CCDC3: variants seen among roughly 807,000 people sequenced by gnomAD.
CCDC3 encodes coiled-coil domain-containing protein 3.
A neutral mutation model predicts 21.4 loss-of-function variants in CCDC3; 24 were observed. The observed-to-expected ratio is 1.12, with a 90% CI of 0.81 to 1.58. The LOEUF (loss-of-function observed/expected upper bound fraction) is 1.58. Ranked by LOEUF, CCDC3 falls within the 40% of genes most tolerant of loss-of-function variation. The pLI is 0.00. For missense variants in CCDC3, 425 were observed against 360.9 expected, an observed-to-expected ratio of 1.18 and a Z score of -1.44; for synonymous variants, 186 against 166.0, an observed-to-expected ratio of 1.12 and a Z score of -0.93.
intron 3 of CCDC3, among the ~76,000 whole-genome samples, chr10:13,083,757 T>C (rs1223119586): frequency 1.3e-5 from 2 of 152,224 alleles, no homozygotes; most frequent in Admixed American, 1.3e-4. Flanking sequence ...TGTCAGCCAA[T>C]TGGGTTCAGT....
chr10:12,942,041 A>G (rs564110253), intron 2 of CCDC3, among the ~76,000 whole-genome samples: 11 of 152,308 alleles, frequency 7.2e-5, no homozygotes, highest in Non-Finnish European at 8.8e-5. Context: ...AATGATAGTA[A>G]TTAAGCCAGA....
At chr10:13,073,274 C>T (rs1564340004) in intron 4 of CCDC3, among the ~76,000 whole-genome samples, 1 of 152,160 alleles carries the variant, frequency 6.6e-6, no homozygotes, top group Non-Finnish European at 1.5e-5. Flanking sequence ...TTGGTGGTGG[C>T]CTCTGTGATC....
chr10:12,973,178 T>C (rs1009171316), intron 2 of CCDC3, among the ~76,000 whole-genome samples: 2 of 152,182 alleles, frequency 1.3e-5, no homozygotes, highest in Non-Finnish European at 2.9e-5. Context: ...CTGAGGGCTC[T>C]ACTGTCAAAA....
chr10:13,004,957 G>A (rs890730853), upstream of CCDC3, among the ~76,000 whole-genome samples: 11 of 152,074 alleles, frequency 7.2e-5, no homozygotes, highest in East Asian at 1.9e-4. Flanking sequence ...CTTGGTAACC[G>A]TTATAAGATG....
intron 5 of CCDC3, among the ~76,000 whole-genome samples, chr10:13,029,140 C>T (rs1836265026): frequency 6.6e-6 from 1 of 152,124 alleles, no homozygotes. Flanking sequence ...TTCCACTGCC[C>T]ACTCTACGGT....
intron 5 of CCDC3, among the ~76,000 whole-genome samples, chr10:13,036,010 G>T (rs1421822392): frequency 6.6e-6 from 1 of 152,168 alleles, no homozygotes; most frequent in Non-Finnish European, 1.5e-5. Context: ...CAGGTGTGGT[G>T]ATATGCACCT....
At position 13,043,752 on chromosome 10, in the gene CCDC3, G is replaced by A. The variant is rs74871767; in HGVS notation, c.-2+5922C>T. 4.0e-3 allele frequency among the ~76,000 whole-genome samples: 609 copies of A among 152,302 alleles called. 3 individuals are homozygous for A. The highest frequency in any genetic ancestry group is 0.014 in the African/African-American group (584 of 41,562). ...TACCACATTTTCTTTATCCAGTACA[G>A]CATTGATGGGTACTTAGGTTGATTC... On this transcript the variant is annotated intron_variant, in intron 5 of 6. Transcript: ENST00000378839.
At chr10:12,926,119 G>A (rs974261934) in intron 2 of CCDC3, among the ~76,000 whole-genome samples, 1 of 152,228 alleles carries the variant, frequency 6.6e-6, no homozygotes, top group Non-Finnish European at 1.5e-5. Flanking sequence ...GGAATACTGG[G>A]AAGAGTGAAA....
intron 5 of CCDC3, among the ~76,000 whole-genome samples, chr10:13,045,401 G>A (rs535126170): frequency 6.6e-6 from 1 of 152,252 alleles, no homozygotes; most frequent in Non-Finnish European, 1.5e-5. Flanking sequence ...AGCACTTTGT[G>A]AGGTCAAGGC....
At chr10:12,996,293 G>C (rs73583881) in intron 2 of CCDC3, among the ~76,000 whole-genome samples, 4,158 of 152,294 alleles carry the variant, frequency 0.027, 221 homozygotes, top group African/African-American at 0.095. Context: ...GGAGGGGTTA[G>C]AAAAGTCTAG....
Position 12,937,971 on chromosome 10 carries a change from T to C in CCDC3, c.550-39292A>G, listed in dbSNP as rs931282062. ...CCCTTATCCAATTTTCTGTGTTCAT[T>C]CTTATGCCTTCAACCCAGCATCCTC... On this transcript the variant is annotated intron_variant, in intron 2 of 2. Transcript: ENST00000378825. Among the ~76,000 whole-genome samples the C allele has an allele frequency of 2.1e-5, 3 of 143,512 alleles. No individual in the cohort carries two copies. The South Asian group carries it at 6.7e-4, about 32-fold the overall frequency. The allele number at this position is 143,512 out of a possible 152,430, so 94.1% of individuals were successfully genotyped here.
intron 5 of CCDC3, among the ~76,000 whole-genome samples, chr10:13,017,342 CTT>C (rs1836077515): frequency 6.6e-6 from 1 of 151,800 alleles, no homozygotes; most frequent in Admixed American, 6.6e-5. Context: ...CATGGTAAAA[CTT>C]CACCTCTACT....
intron 5 of CCDC3, among the ~76,000 whole-genome samples, chr10:13,045,595 G>T (rs1836514967): frequency 6.6e-6 from 1 of 152,076 alleles, no homozygotes; most frequent in Non-Finnish European, 1.5e-5. Context: ...TCCAGCCTGG[G>T]CAACAGAGCA....
intron 1 of CCDC3, among the ~76,000 whole-genome samples, chr10:13,000,882 G>A (rs1663016036): frequency 6.6e-6 from 1 of 152,164 alleles, no homozygotes; most frequent in Admixed American, 6.5e-5. Context: ...CTCCCACTGA[G>A]GCCAGTTTAA....
intron 2 of CCDC3, among the ~76,000 whole-genome samples, chr10:12,953,802 A>G (rs955538512): frequency 7.9e-5 from 12 of 152,222 alleles, no homozygotes; most frequent in Non-Finnish European, 1.3e-4. Flanking sequence ...AGAGAACAAC[A>G]TAAGTCTTTG....
chr10:13,010,016 G>A (rs1835966063), intron 5 of CCDC3, among the ~76,000 whole-genome samples: 1 of 152,230 alleles, frequency 6.6e-6, no homozygotes, highest in African/African-American at 2.4e-5. Flanking sequence ...GGGAGGCTGA[G>A]GCGGTTGGAT....
At chr10:13,048,228 T>C (rs1836554036) in intron 5 of CCDC3, among the ~76,000 whole-genome samples, 1 of 152,182 alleles carries the variant, frequency 6.6e-6, no homozygotes, top group Non-Finnish European at 1.5e-5. Flanking sequence ...AGTCTCGCTC[T>C]GTTGCCAGAC....
intron 4 of CCDC3, chr10:13,057,996 T>A: frequency 1.4e-6 from 1 of 693,244 alleles, no homozygotes; most frequent in South Asian, 1.5e-5. Flanking sequence ...ACATTGTTCT[T>A]TATATATTGA....
intron 3 of CCDC3, among the ~76,000 whole-genome samples, chr10:13,094,826 T>C (rs1400087959): frequency 6.6e-6 from 1 of 151,982 alleles, no homozygotes; most frequent in Non-Finnish European, 1.5e-5. Flanking sequence ...ACTATGCCAC[T>C]GCACTCCAGC....
Sources: gnomAD v4.1 joint callset for allele counts (sites outside exome capture counted in the v4.1 genomes callset) on GRCh38, gnomAD v4.1.1 for gene constraint, MANE v1.5 for transcripts, NCBI Gene and HGNC (gene_info 2026-07-23, HGNC 2026-07-21) for gene names.